Variants in RGS7 observed in about 807,000 individuals in gnomAD.
RGS7 encodes regulator of G-protein signaling 7.
Under a neutral mutation model 81.1 loss-of-function variants are expected in RGS7, and 27 were observed. The observed-to-expected ratio is 0.33, with a 90% CI of 0.25 to 0.46. RGS7 has a LOEUF of 0.46. RGS7 is among the 20% of genes least tolerant of loss of function. RGS7 has a pLI of 1.00. For missense variants in RGS7, 396 were observed against 607.4 expected (o/e 0.65, Z 3.66); for synonymous variants, 208 against 207.7 (o/e 1.00, Z -0.01).
intron 3 of RGS7, among the ~76,000 whole-genome samples, chr1:240,992,868 AGCCGG>A: frequency 6.8e-6 from 1 of 146,062 alleles, no homozygotes; most frequent in Non-Finnish European, 1.5e-5. Flanking sequence ...AAAAAATATT[AGCCGG>A]GCATGGTGGC....
intron 2 of RGS7, among the ~76,000 whole-genome samples, chr1:241,180,688 A>G (rs2071545547): frequency 6.6e-6 from 1 of 152,214 alleles, no homozygotes; most frequent in South Asian, 2.1e-4. Context: ...GACACACAGA[A>G]TGGCGTTGTA....
At position 241,089,092 on chromosome 1, in the gene RGS7, T is replaced by TATATATAC. The variant is rs1335136344; in HGVS notation, c.175+9573_175+9574insGTATATAT. Among the ~76,000 whole-genome samples the TATATATAC allele has an allele frequency of 6.4e-3, 641 of 100,008 alleles. 37 individuals are homozygous for TATATATAC. The highest frequency in any genetic ancestry group is 7.4e-3 in the African/African-American group (165 of 22,358). The allele number at this position is 100,008 out of a possible 152,430, so 65.6% of individuals were successfully genotyped here. ...ATATATATATATATATATATATATA[T>TATATATAC]ATATACTGGCTTAGACCTAAGGTGA... On this transcript the variant is annotated intron_variant, in intron 3 of 18. Transcript: ENST00000440928.
chr1:241,105,177 CTCTA>C (rs2065022333), intron 2 of RGS7, among the ~76,000 whole-genome samples: 1 of 152,086 alleles, frequency 6.6e-6, no homozygotes, highest in African/African-American at 2.4e-5. Context: ...TTCCTTTATG[CTCTA>C]TCTAATGCAG....
At chr1:240,809,348 C>G (rs1176554224) in intron 14 of RGS7, among the ~76,000 whole-genome samples, 1 of 152,130 alleles carries the variant, frequency 6.6e-6, no homozygotes, top group Non-Finnish European at 1.5e-5. Context: ...GTGACACACT[C>G]ACTGATAGCA....
At chr1:240,898,443 C>T (rs887488921) in intron 6 of RGS7, among the ~76,000 whole-genome samples, 13 of 152,182 alleles carry the variant, frequency 8.5e-5, no homozygotes, top group Admixed American at 7.9e-4. Flanking sequence ...TCCCTCTACA[C>T]ACTGCTTTAA....
chr1:240,963,675 T>C (rs1301647470), intron 4 of RGS7, among the ~76,000 whole-genome samples: 1 of 152,128 alleles, frequency 6.6e-6, no homozygotes, highest in African/African-American at 2.4e-5. Context: ...AACTGAGAAA[T>C]AAACTTGAGA....
chr1:241,057,738 C>T (rs757156357), intron 3 of RGS7, among the ~76,000 whole-genome samples: 23 of 151,992 alleles, frequency 1.5e-4, no homozygotes, highest in African/African-American at 2.2e-4. Flanking sequence ...GGTGAAACCC[C>T]GTCTCTACTA....
intron 6 of RGS7, among the ~76,000 whole-genome samples, chr1:240,907,830 C>T (rs2148230773): frequency 6.6e-6 from 1 of 152,268 alleles, no homozygotes; most frequent in South Asian, 2.1e-4. Flanking sequence ...CCAAGTGAAA[C>T]ATGGCGTCTT....
chr1:240,779,140 A>G (rs558190473), intron 18 of RGS7, among the ~76,000 whole-genome samples: 4 of 145,314 alleles, frequency 2.8e-5, no homozygotes, highest in Admixed American at 2.7e-4. Flanking sequence ...TGTGTGTGAC[A>G]GTCTCACTCT....
intron 2 of RGS7, among the ~76,000 whole-genome samples, chr1:241,124,563 C>T (rs532157226): frequency 5.9e-5 from 9 of 152,308 alleles, no homozygotes; most frequent in South Asian, 4.1e-4. Flanking sequence ...CAAAGGAAAA[C>T]GTCTACCTTT....
intron 9 of RGS7, among the ~76,000 whole-genome samples, chr1:240,865,723 A>G (rs1166244200): frequency 1.3e-5 from 2 of 152,226 alleles, no homozygotes; most frequent in Non-Finnish European, 1.5e-5. Context: ...GACAAATGTA[A>G]AAGTGTAGAC....
At chr1:240,944,939 T>C (rs984466589) in intron 4 of RGS7, among the ~76,000 whole-genome samples, 3 of 152,238 alleles carry the variant, frequency 2.0e-5, no homozygotes, top group Non-Finnish European at 4.4e-5. Context: ...TCTCTATCTC[T>C]TGACCTCGTG....
At chr1:240,832,273 T>C (rs181124513) in intron 9 of RGS7, among the ~76,000 whole-genome samples, 3 of 152,314 alleles carry the variant, frequency 2.0e-5, no homozygotes, top group Admixed American at 2.0e-4. Flanking sequence ...GCACATAGTA[T>C]TGTTGGATGT....
intron 2 of RGS7, among the ~76,000 whole-genome samples, chr1:241,336,357 T>G (rs1402707599): frequency 1.3e-5 from 2 of 152,158 alleles, no homozygotes; most frequent in East Asian, 3.9e-4. Flanking sequence ...GCATGCCACC[T>G]CCACACATTC....
At chr1:240,986,370 G>T (rs927325535) in intron 3 of RGS7, among the ~76,000 whole-genome samples, 1 of 151,630 alleles carries the variant, frequency 6.6e-6, no homozygotes, top group East Asian at 1.9e-4. Flanking sequence ...TTTTTCCTGT[G>T]GTGAATCCCA....
rs994941037 is a variant in RGS7, at chr1:240,994,334, T to A, written c.176-11205A>T. On this transcript the variant is annotated intron_variant, in intron 3 of 18. Coordinates refer to ENST00000440928, the MANE Select transcript of RGS7 (RefSeq NM_001364886.1). ...AAGTATGTCTCTCCATTTATTTACA[T>A]CTTCTTTTATTTCTTTCACCAGCAT... 5.3e-5 allele frequency among the ~76,000 whole-genome samples: 8 copies of A among 152,322 alleles called. No homozygotes were observed. In the South Asian group the frequency reaches 1.0e-3, roughly 20 times the overall value.
At chr1:240,984,568 A>G (rs1685386917) in intron 3 of RGS7, among the ~76,000 whole-genome samples, 2 of 152,312 alleles carry the variant, frequency 1.3e-5, no homozygotes, top group South Asian at 4.1e-4. Flanking sequence ...TTTGTATTTA[A>G]AATTGGTTTT....
intron 9 of RGS7, among the ~76,000 whole-genome samples, chr1:240,851,461 T>C (rs1383833794): frequency 6.6e-6 from 1 of 152,238 alleles, no homozygotes; most frequent in Non-Finnish European, 1.5e-5. Context: ...GATGGAGATG[T>C]ACAAGGAGAT....
chr1:241,342,447 C>A (rs1038222981), intron 2 of RGS7, among the ~76,000 whole-genome samples: 3 of 152,160 alleles, frequency 2.0e-5, no homozygotes, highest in Non-Finnish European at 4.4e-5. Context: ...AGAGAAAAAA[C>A]CTCCATGAGA....
Sources: gnomAD v4.1 joint callset for allele counts (sites outside exome capture counted in the v4.1 genomes callset) on GRCh38, gnomAD v4.1.1 for gene constraint, MANE v1.5 for transcripts, NCBI Gene and HGNC (gene_info 2026-07-23, HGNC 2026-07-21) for gene names.